The following CUBN variants were observed in gnomAD, a reference collection of about 807,000 sequenced individuals.
CUBN encodes the protein 460 kDa receptor.
Under a neutral mutation model 405.3 loss-of-function variants are expected in CUBN, and 282 were observed. The observed-to-expected ratio is 0.70, with a 90% CI of 0.63 to 0.77. The LOEUF (loss-of-function observed/expected upper bound fraction) is 0.77, where lower values mean the gene tolerates loss of function less well. Among genes scored for constraint, CUBN ranks in the 30% least tolerant of loss-of-function variants. The probability of loss-of-function intolerance (pLI) is 0.00; values close to 1 mark genes in which losing one functional copy is unlikely to be tolerated. For missense variants in CUBN, 4,514 were observed against 4,475.2 expected (o/e 1.01, Z -0.25); for synonymous variants, 1,684 against 1,617.0 (o/e 1.04, Z -0.99).
In CUBN at chr10:16,933,233, G is replaced by T. The variant is rs1842411498; in HGVS notation, c.5978C>A (p.Ser1993Tyr). ...RTGDAPVFLF[S>Y]PGWPDSYSNR... is the part of the protein sequence containing the mutation. Reference sequence around the variant, plus strand: ...ACTGTAACTGTCAGGCCAGCCCGGGGAGAAGAGAAACACGGGTGCATCTCC... The same window carrying T: ...ACTGTAACTGTCAGGCCAGCCCGGGTAGAAGAGAAACACGGGTGCATCTCC... The change falls in exon 40 of 67, where the codon TCC (serine) becomes TAC (tyrosine). Residue 1993 changes from serine to tyrosine, a missense_variant. Coordinates refer to ENST00000377833, the MANE Select transcript of CUBN (RefSeq NM_001081.4). 1.2e-6 allele frequency: 2 copies of T among 1,614,042 alleles called. No individual in the cohort carries two copies. Among genetic ancestry groups the T allele is most frequent in the Non-Finnish European group, 1.7e-6 (2 of 1,179,994 alleles).
chr10:17,067,802 T>C lies in CUBN; in HGVS notation c.3008+262A>G, dbSNP rs569493399. On this transcript the variant is annotated intron_variant, in intron 21 of 66. Coordinates refer to ENST00000377833, the MANE Select transcript of CUBN (RefSeq NM_001081.4). ...GGTGAGGAACAAAAGCAAGGAATTA[T>C]AACGGAAAGGAAGAAAGTTTTGTGG... is the stretch of plus-strand genomic sequence containing the variant. 2.6e-4 allele frequency among the ~76,000 whole-genome samples: 39 copies of C among 152,240 alleles called. No homozygotes were observed. The South Asian group carries it at 3.9e-3, about 15-fold the overall frequency.
intron 60 of CUBN, among the ~76,000 whole-genome samples, chr10:16,849,382 C>G (rs905569449): frequency 2.0e-5 from 3 of 152,148 alleles, no homozygotes; most frequent in African/African-American, 7.2e-5. Context: ...TGCTGACTCC[C>G]TCTAAGAAAG....
chr10:16,995,573 A>C (rs1445378147), intron 28 of CUBN, among the ~76,000 whole-genome samples: 2 of 151,874 alleles, frequency 1.3e-5, no homozygotes, highest in East Asian at 3.9e-4. Context: ...GGCTCAAGTG[A>C]TCCACCTTTC....
At chr10:16,866,837 C>T (rs1363780832) in intron 59 of CUBN, among the ~76,000 whole-genome samples, 5 of 152,140 alleles carry the variant, frequency 3.3e-5, no homozygotes, top group Admixed American at 6.6e-5. Context: ...CCTCCAGCAG[C>T]AGAAGTTCCG....
chr10:16,824,980 T>C lies in CUBN; in HGVS notation c.10867A>G (p.Ser3623Gly). Residue 3623 changes from serine (S) to glycine (G), a missense_variant, in exon 67 of 67, where the codon AGC becomes GGC. Physicochemically the swap from Ser to Gly is moderately conservative, Grantham distance 56. Transcript: ENST00000377833. Reference sequence around the variant, plus strand: ...GAACACGAGTTGTTACCCACTTAGCTGTCCCAAGTTAATCGGAATGCGGAT... The same window carrying C: ...GAACACGAGTTGTTACCCACTTAGCCGTCCCAAGTTAATCGGAATGCGGAT... ...RPSAFRLTWDS is the reference protein window; with the variant it reads ...RPSAFRLTWDG 1 of 1,612,268 alleles carries C rather than the reference T, an allele frequency of 6.2e-7. No homozygotes were observed. Among genetic ancestry groups the C allele is most frequent in the Non-Finnish European group, 8.5e-7 (1 of 1,178,348 alleles).
chr10:16,873,330 G>A (rs45465096), intron 58 of CUBN, among the ~76,000 whole-genome samples: 1,809 of 152,280 alleles, frequency 0.012, 21 homozygotes, highest in Non-Finnish European at 0.019. Context: ...GTAAGACTGG[G>A]AAGAAAATTG....
At chr10:16,986,218 C>CACT (rs1352117088) in intron 29 of CUBN, among the ~76,000 whole-genome samples, 3 of 152,206 alleles carry the variant, frequency 2.0e-5, no homozygotes, top group Non-Finnish European at 4.4e-5. Flanking sequence ...AGGACCAGAG[C>CACT]CAGGAAGGCG....
Position 16,906,387 on chromosome 10 carries a change from A to G in CUBN, c.7728T>C (p.Asn2576=). 1 of 1,613,830 alleles carries G rather than the reference A, an allele frequency of 6.2e-7. No homozygotes were observed. Among genetic ancestry groups the G allele is most frequent in the Middle Eastern group, 1.7e-4 (1 of 6,058 alleles). ...GAGAAGTAAAGTTTCCTTCAGGAGT[A>G]TTTGGAAGAGACCCACCACACACTA... ...EDAVCGGSLP[N]TPEGNFTSPG... The change falls in exon 50 of 67, where the codon AAT becomes AAC. Residue 2576 remains asparagine, a synonymous_variant. Coordinates refer to ENST00000377833, the MANE Select transcript of CUBN (RefSeq NM_001081.4).
intron 29 of CUBN, among the ~76,000 whole-genome samples, chr10:16,986,290 C>A (rs1833419743): frequency 6.6e-6 from 1 of 151,006 alleles, no homozygotes; most frequent in African/African-American, 2.4e-5. Context: ...TCCCCCACCT[C>A]GGGACACTCT....
chr10:16,904,025 T>C lies in CUBN; in HGVS notation c.8003A>G (p.His2668Arg), dbSNP rs769842201. The change falls in exon 51 of 67, where the codon CAC (histidine) becomes CGC (arginine). Residue 2668 changes from histidine to arginine, a missense_variant. Physicochemically the swap from His to Arg is conservative, Grantham distance 29 (BLOSUM62 0). Coordinates refer to ENST00000377833, the MANE Select transcript of CUBN (RefSeq NM_001081.4). ...TTCTACACGTTCGTTGGTGACAAAG[T>C]GAATCCATACCTGAGAATAAGGTAT... The part of the protein sequence containing the change: ...LVIPYSQVWI[H>R]FVTNERVEHI... 3 of 1,613,528 alleles carry C rather than the reference T, an allele frequency of 1.9e-6. No homozygotes were observed. Among genetic ancestry groups the C allele is most frequent in the Non-Finnish European group, 1.7e-6 (2 of 1,179,488 alleles).
intron 40 of CUBN, among the ~76,000 whole-genome samples, chr10:16,930,557 T>C (rs1046270232): frequency 2.0e-5 from 3 of 152,240 alleles, no homozygotes; most frequent in African/African-American, 7.2e-5. Context: ...GATTTTTTTA[T>C]ACAATTTCTT....
At chr10:16,952,185 A>T in intron 33 of CUBN, 91 bp downstream of exon 33, 1 of 873,430 alleles carries the variant, frequency 1.1e-6, no homozygotes, top group Non-Finnish European at 2.0e-6. Flanking sequence ...ATCGATTGTT[A>T]GCACTGAGAT....
At chr10:16,961,929 G>A (rs1843236504) in intron 31 of CUBN, among the ~76,000 whole-genome samples, 1 of 151,830 alleles carries the variant, frequency 6.6e-6, no homozygotes, top group African/African-American at 2.4e-5. Context: ...AGCCAGGATG[G>A]TCTCCATCTC....
chr10:16,965,792 C>A, intron 31 of CUBN: 1 of 275,488 alleles, frequency 3.6e-6, no homozygotes, highest in Non-Finnish European at 7.3e-6. Flanking sequence ...GCAGCAAATA[C>A]TTATCTGAAC....
rs1362918702 is a variant in CUBN, at chr10:17,020,066, C to T, written c.4018-83G>A. 15 of 1,509,202 alleles carry T rather than the reference C, an allele frequency of 9.9e-6. No homozygotes were observed. The Admixed American group carries it at 2.0e-4, about 20-fold the overall frequency. 93.5% of individuals were successfully genotyped at this position (1,509,202 alleles called of 1,614,324 possible). On this transcript the variant is annotated intron_variant, in intron 27 of 66. Coordinates refer to ENST00000377833, the MANE Select transcript of CUBN (RefSeq NM_001081.4). ...TCCAAGTCTACACAAGTAGCAAAAG[C>T]TGTTCCTTGGTTCAAAAGTTAGAGG...
At chr10:16,841,529 A>G (rs998119614) in intron 60 of CUBN, among the ~76,000 whole-genome samples, 1 of 147,280 alleles carries the variant, frequency 6.8e-6, no homozygotes, top group Non-Finnish European at 1.5e-5. Flanking sequence ...CATCCACTCA[A>G]TCAAACAGCC....
At chr10:17,116,873 G>A (rs928984819) in intron 6 of CUBN, among the ~76,000 whole-genome samples, 2 of 152,066 alleles carry the variant, frequency 1.3e-5, no homozygotes. Context: ...CATTCAAGTC[G>A]GGAGGCCAGA....
intron 31 of CUBN, among the ~76,000 whole-genome samples, chr10:16,963,343 G>A (rs533542546): frequency 2.0e-5 from 3 of 151,312 alleles, no homozygotes; most frequent in African/African-American, 4.8e-5. Flanking sequence ...ACACCACCAC[G>A]CCCAGCTAAT....
At chr10:16,984,051 A>G in intron 30 of CUBN, 54 bp downstream of exon 30, 1 of 1,595,632 alleles carries the variant, frequency 6.3e-7, no homozygotes, top group African/African-American at 1.3e-5. Context: ...CATTTCATGA[A>G]ATTTAACGAG....
Sources: gnomAD v4.1 joint callset for allele counts (sites outside exome capture counted in the v4.1 genomes callset) on GRCh38, gnomAD v4.1.1 for gene constraint, MANE v1.5 for transcripts, NCBI Gene and HGNC (gene_info 2026-07-23, HGNC 2026-07-21) for gene names.